Variants in TENM1 observed in about 807,000 individuals in gnomAD.
TENM1 encodes teneurin-1.
TENM1 carries 35 observed loss-of-function variants against 174.8 expected under a neutral mutation model. The ratio of observed to expected loss-of-function variants is 0.20; its 90% confidence interval spans 0.15 to 0.27. The LOEUF (loss-of-function observed/expected upper bound fraction) is 0.27. Among genes scored for constraint, TENM1 ranks in the 10% least tolerant of loss-of-function variants. TENM1 has a pLI of 1.00. For synonymous variants in TENM1, 781 were observed against 798.7 expected (o/e 0.98, Z 0.37); for missense variants, 1,633 against 2,130.1 (o/e 0.77, Z 4.59).
chrX:125,149,133 A>C, the TENM1 span, among the ~76,000 whole-genome samples: 9 of 82,487 alleles, frequency 1.1e-4, no homozygotes, highest in Middle Eastern at 6.1e-3. Context: ...CTCTAGCCAC[A>C]CTGGAACATA....
rs757471038 is a variant in TENM1 at position 124,907,610 on chromosome X, T to C, written c.218-11369A>G. ...TATTTCCAAGAACTAGATGAGAGGA[T>C]ATGGTTAACTCAGCGCAAATGAAGC... On this transcript the variant is annotated intron_variant, in intron 1 of 31. Transcript: ENST00000422452. Among the ~76,000 whole-genome samples the C allele has an allele frequency of 3.6e-5, 4 of 111,761 alleles. No homozygotes were observed. The East Asian group carries it at 8.4e-4, about 23-fold the overall frequency.
At chrX:125,139,973 A>T in the TENM1 span, among the ~76,000 whole-genome samples, 1 of 110,693 alleles carries the variant, frequency 9.0e-6, no homozygotes, top group Non-Finnish European at 1.9e-5. Context: ...ATGATCTTTG[A>T]AGTGATTTTT....
At chrX:124,615,542 G>A (rs2050379093) in intron 11 of TENM1, among the ~76,000 whole-genome samples, 1 of 112,106 alleles carries the variant, frequency 8.9e-6, no homozygotes, top group African/African-American at 3.2e-5. Context: ...CAAAAGTAAG[G>A]TTCCGTTATT....
intron 3 of TENM1, among the ~76,000 whole-genome samples, chrX:124,864,802 A>T (rs1251577582): frequency 9.0e-6 from 1 of 110,571 alleles, no homozygotes; most frequent in Non-Finnish European, 1.9e-5. Flanking sequence ...GACTATTTCA[A>T]GGCATTTATT....
At chrX:125,154,747 G>A in the TENM1 span, among the ~76,000 whole-genome samples, 3 of 110,414 alleles carry the variant, frequency 2.7e-5, no homozygotes, top group East Asian at 8.6e-4. Context: ...TTCCTTCTGG[G>A]TGGGTTCGTG....
the TENM1 span, among the ~76,000 whole-genome samples, chrX:125,080,435 A>G: frequency 2.7e-5 from 3 of 110,886 alleles, no homozygotes; most frequent in East Asian, 8.6e-4. Flanking sequence ...CTTTGTTACT[A>G]TAATCAGAAT....
intron 3 of TENM1, among the ~76,000 whole-genome samples, chrX:124,820,874 T>C (rs1010565169): frequency 2.2e-4 from 25 of 112,245 alleles, no homozygotes; most frequent in African/African-American, 7.8e-4. Flanking sequence ...ACTTAACATA[T>C]TGCCTTACCA....
intron 6 of TENM1, among the ~76,000 whole-genome samples, chrX:124,664,907 A>G (rs1487340620): frequency 8.9e-6 from 1 of 111,755 alleles, no homozygotes; most frequent in African/African-American, 3.3e-5. Context: ...GAAAAATGAA[A>G]GAAAAAGCCC....
chrX:125,202,699 C>G, the TENM1 span, among the ~76,000 whole-genome samples: 13 of 104,727 alleles, frequency 1.2e-4, no homozygotes, highest in Non-Finnish European at 2.2e-4. Flanking sequence ...GAAACATCTA[C>G]TAGTGGAGTG....
At chrX:124,659,458 A>G (rs1244222892) in intron 6 of TENM1, among the ~76,000 whole-genome samples, 2 of 112,223 alleles carry the variant, frequency 1.8e-5, no homozygotes, top group Non-Finnish European at 3.8e-5. Flanking sequence ...ACTACAAGAC[A>G]TAATTGAAAG....
At chrX:124,980,437 C>A in the TENM1 span, among the ~76,000 whole-genome samples, 2 of 110,736 alleles carry the variant, frequency 1.8e-5, no homozygotes, top group Non-Finnish European at 1.9e-5. Flanking sequence ...GCATTTAATA[C>A]CCTGATAAAC....
At chrX:125,017,171 A>G in the TENM1 span, among the ~76,000 whole-genome samples, 1 of 112,347 alleles carries the variant, frequency 8.9e-6, no homozygotes, top group East Asian at 2.8e-4. Flanking sequence ...CTTCATGGCT[A>G]AGACACCAAA....
intron 18 of TENM1, among the ~76,000 whole-genome samples, chrX:124,507,843 A>C (rs1417716441): frequency 8.9e-6 from 1 of 111,835 alleles, no homozygotes; most frequent in Non-Finnish European, 1.9e-5. Context: ...CAGAATTTAT[A>C]ATGGTTGCAT....
intron 16 of TENM1, among the ~76,000 whole-genome samples, chrX:124,524,622 G>C (rs2047931711): frequency 9.0e-6 from 1 of 111,334 alleles, no homozygotes; most frequent in Non-Finnish European, 1.9e-5. Flanking sequence ...TTGTAAGACA[G>C]CCTGTAATGA....
At chrX:124,748,775 G>C (rs2053995720) in intron 3 of TENM1, among the ~76,000 whole-genome samples, 1 of 112,119 alleles carries the variant, frequency 8.9e-6, no homozygotes, top group Non-Finnish European at 1.9e-5. Context: ...TCACAGCTCT[G>C]TCATTTACTA....
chrX:124,414,617 G>T (rs2060574299), intron 25 of TENM1, among the ~76,000 whole-genome samples: 1 of 111,152 alleles, frequency 9.0e-6, no homozygotes, highest in Admixed American at 9.5e-5. Flanking sequence ...CTTGGGGTGT[G>T]CAATTTTGAT....
chrX:125,169,655 C>T, the TENM1 span, among the ~76,000 whole-genome samples: 1 of 111,392 alleles, frequency 9.0e-6, no homozygotes, highest in East Asian at 2.8e-4. Flanking sequence ...TATTCAAAAC[C>T]TTAACAATAT....
At chrX:124,606,516 A>T (rs1346894561) in intron 11 of TENM1, among the ~76,000 whole-genome samples, 1 of 111,800 alleles carries the variant, frequency 8.9e-6, no homozygotes, top group African/African-American at 3.2e-5. Context: ...CACCAACAGC[A>T]AAATGGTGAA....
At chrX:124,663,357 G>A (rs2051661109) in intron 6 of TENM1, among the ~76,000 whole-genome samples, 1 of 112,009 alleles carries the variant, frequency 8.9e-6, no homozygotes. Context: ...CAGGAAAAAT[G>A]CAGATTTGTG....
Sources: allele counts gnomAD v4.1 joint callset (sites outside exome capture counted in the v4.1 genomes callset), GRCh38; gene constraint gnomAD v4.1.1; transcripts MANE v1.5; gene names NCBI Gene and HGNC (gene_info 2026-07-23, HGNC 2026-07-21).